Variants in TANK observed in about 807,000 individuals in gnomAD.
TANK encodes the protein TRAF family member associated NFKB activator.
A neutral mutation model predicts 43.6 loss-of-function variants in TANK; 15 were observed. The ratio of observed to expected loss-of-function variants is 0.34; its 90% CI spans 0.23 to 0.53. The LOEUF (loss-of-function observed/expected upper bound fraction) is 0.53. Among genes scored for constraint, TANK ranks in the 20% least tolerant of loss-of-function variants. The probability of loss-of-function intolerance (pLI) is 0.94; values close to 1 mark genes in which losing one functional copy is unlikely to be tolerated. For synonymous variants in TANK, 162 were observed against 178.2 expected (o/e 0.91, Z 0.73); for missense variants, 417 against 498.6 (o/e 0.84, Z 1.56).
chr2:161,201,574 T>C (rs964587731), intron 2 of TANK, among the ~76,000 whole-genome samples: 3 of 152,182 alleles, frequency 2.0e-5, no homozygotes, highest in Non-Finnish European at 2.9e-5. Flanking sequence ...TAGGTACTTA[T>C]TGATTGATGT....
intron 1 of TANK, chr2:161,160,847 A>G: frequency 1.9e-6 from 1 of 518,984 alleles, no homozygotes; most frequent in Non-Finnish European, 3.8e-6. Context: ...CTCCAGGAAC[A>G]TTCCCGACTT....
intron 1 of TANK, chr2:161,160,768 C>A: frequency 3.6e-6 from 2 of 562,270 alleles, no homozygotes; most frequent in Non-Finnish European, 7.0e-6. Flanking sequence ...AAGGGAGGGA[C>A]TCGTCCCGGC....
chr2:161,157,446 T>A (rs1025590613), upstream of TANK, among the ~76,000 whole-genome samples: 3 of 152,166 alleles, frequency 2.0e-5, no homozygotes, highest in Admixed American at 2.0e-4. Context: ...AGTTCTCATG[T>A]TTTTCTGATT....
At chr2:161,224,552 TGG>T (rs1687514475) in intron 5 of TANK, 77 bp from the exon 6 acceptor site, 1 of 522,810 alleles carries the variant, frequency 1.9e-6, no homozygotes, top group Non-Finnish European at 3.3e-6. Flanking sequence ...GCACATAAAA[TGG>T]TACTACATAA....
intron 2 of TANK, among the ~76,000 whole-genome samples, chr2:161,183,635 T>C (rs2105304664): frequency 2.0e-5 from 3 of 152,146 alleles, no homozygotes; most frequent in Admixed American, 2.0e-4. Context: ...AAAAGGAAAA[T>C]TTTTTTACAT....
intron 1 of TANK, chr2:161,161,506 C>A: frequency 6.6e-7 from 1 of 1,506,608 alleles, no homozygotes; most frequent in South Asian, 1.3e-5. Flanking sequence ...ATGTGCAAAG[C>A]AGGAAGTGAA....
intron 3 of TANK, among the ~76,000 whole-genome samples, chr2:161,204,319 A>T (rs1574032813): frequency 1.3e-5 from 2 of 152,302 alleles, no homozygotes; most frequent in Middle Eastern, 6.8e-3. Flanking sequence ...CATAATAAGC[A>T]TGGAGTCATA....
intron 2 of TANK, among the ~76,000 whole-genome samples, chr2:161,202,522 T>G (rs1039883562): frequency 6.6e-6 from 1 of 152,164 alleles, no homozygotes; most frequent in Non-Finnish European, 1.5e-5. Flanking sequence ...AATTTTTAAG[T>G]TTATTGGTCT....
intron 4 of TANK, chr2:161,208,075 T>TG: frequency 1.2e-6 from 1 of 864,866 alleles, no homozygotes; most frequent in Non-Finnish European, 1.4e-6. Context: ...TTCTGTTTGG[T>TG]GGGTGGTTTG....
At chr2:161,226,725 G>A (rs1264542840) in intron 6 of TANK, among the ~76,000 whole-genome samples, 2 of 151,968 alleles carry the variant, frequency 1.3e-5, no homozygotes, top group Non-Finnish European at 2.9e-5. Flanking sequence ...TATGGCAGTA[G>A]ACTTAAGAAA....
At chr2:161,177,216 T>G (rs1685207990) in intron 1 of TANK, among the ~76,000 whole-genome samples, 1 of 152,204 alleles carries the variant, frequency 6.6e-6, no homozygotes, top group East Asian at 1.9e-4. Flanking sequence ...CTAAGTGGAA[T>G]GCATAAAGAA....
chr2:161,213,749 T>C (rs1432287906), intron 4 of TANK, among the ~76,000 whole-genome samples: 2 of 151,762 alleles, frequency 1.3e-5, no homozygotes, highest in Non-Finnish European at 2.9e-5. Flanking sequence ...AAATAGATAT[T>C]GTATTTGAAA....
chr2:161,203,652 G>A, intron 3 of TANK, 57 bp downstream of exon 3: 2 of 1,112,798 alleles, frequency 1.8e-6, no homozygotes, highest in South Asian at 2.9e-5. Flanking sequence ...AAAGAAAGGT[G>A]TAAGTTGAGT....
chr2:161,146,807 A>T (rs1038054416), intron 1 of TANK, among the ~76,000 whole-genome samples: 1 of 152,154 alleles, frequency 6.6e-6, no homozygotes, highest in Non-Finnish European at 1.5e-5. Context: ...GTTGGGTGGC[A>T]TGGGGAGCAA....
At chr2:161,151,535 T>C (rs546252188) in intron 1 of TANK, among the ~76,000 whole-genome samples, 9 of 152,316 alleles carry the variant, frequency 5.9e-5, no homozygotes, top group Admixed American at 5.2e-4. Context: ...CTTTGTCTCC[T>C]GTAACAGTTT....
At chr2:161,203,715 G>A in intron 3 of TANK, 120 bp downstream of exon 3, 5 of 626,648 alleles carry the variant, frequency 8.0e-6, no homozygotes, top group South Asian at 4.2e-5. Context: ...TTATAACTGT[G>A]GTACAGTTAT....
intron 1 of TANK, among the ~76,000 whole-genome samples, chr2:161,145,972 G>C (rs1683899078): frequency 6.6e-6 from 1 of 152,090 alleles, no homozygotes; most frequent in Non-Finnish European, 1.5e-5. Flanking sequence ...TCAATCGTAG[G>C]TTAGGTCTTT....
chr2:161,185,768 C>T (rs1054807566), intron 2 of TANK, among the ~76,000 whole-genome samples: 2 of 150,522 alleles, frequency 1.3e-5, no homozygotes, highest in East Asian at 2.0e-4. Context: ...TGCCAGATGA[C>T]GAGTTAGTGG....
At chr2:161,187,461 A>G (rs1685716036) in intron 2 of TANK, among the ~76,000 whole-genome samples, 1 of 152,046 alleles carries the variant, frequency 6.6e-6, no homozygotes, top group Non-Finnish European at 1.5e-5. Flanking sequence ...AAAAACTACT[A>G]CAAGAGACAG....
Sources: allele counts gnomAD v4.1 joint callset (sites outside exome capture counted in the v4.1 genomes callset), GRCh38; gene constraint gnomAD v4.1.1; transcripts MANE v1.5; gene names NCBI Gene and HGNC (gene_info 2026-07-23, HGNC 2026-07-21).